The following DCT variants were observed in gnomAD, a reference collection of about 807,000 sequenced individuals.
DCT encodes the protein dopachrome tautomerase.
DCT carries 47 observed loss-of-function variants against 53.0 expected under a neutral mutation model. The observed-to-expected ratio is 0.89, with a 90% CI of 0.70 to 1.13. The LOEUF (loss-of-function observed/expected upper bound fraction) is 1.13. Among genes scored for constraint, DCT ranks in the 50% most tolerant of loss-of-function variants. DCT has a pLI of 0.00. For missense variants in DCT, 669 were observed against 637.4 expected, an observed-to-expected ratio of 1.05 and a Z score of -0.53; for synonymous variants, 244 against 237.0, an observed-to-expected ratio of 1.03 and a Z score of -0.27.
the DCT span, among the ~76,000 whole-genome samples, chr13:94,548,898 G>T: frequency 1.2e-4 from 18 of 151,988 alleles, no homozygotes; most frequent in Admixed American, 1.2e-3. Context: ...CCGCTGCTAG[G>T]CCCCACTGCC....
chr13:94,443,652 G>C lies in DCT; in HGVS notation c.1180-15C>G, dbSNP rs1454861717. ...GAATGAAGAACCTGCAAAACAGTTG[G>C]ACACAGCATTTAACATAAATCAGTC... On this transcript the variant is annotated splice_polypyrimidine_tract_variant and intron_variant, in intron 6 of 7. Transcript: ENST00000377028. 1.2e-6 allele frequency: 2 copies of C among 1,600,540 alleles called. No individual in the cohort carries two copies. The highest frequency in any genetic ancestry group is 3.3e-5 in the Admixed American group (2 of 59,890).
chr13:94,451,724 G>C (rs1486338725), intron 6 of DCT, among the ~76,000 whole-genome samples: 1 of 152,174 alleles, frequency 6.6e-6, no homozygotes. Context: ...GTCAGGTACT[G>C]TTCTAGAGGT....
chr13:94,469,916 A>C (rs898075789), intron 1 of DCT, among the ~76,000 whole-genome samples: 1 of 152,122 alleles, frequency 6.6e-6, no homozygotes, highest in Non-Finnish European at 1.5e-5. Flanking sequence ...CTCTACTAAA[A>C]ATACAAAAAT....
intron 6 of DCT, among the ~76,000 whole-genome samples, chr13:94,455,413 T>G (rs1883350600): frequency 2.6e-5 from 2 of 77,770 alleles, no homozygotes; most frequent in African/African-American, 1.1e-4. Flanking sequence ...GAGAGAGAGA[T>G]TCCTACTATC....
chr13:94,480,549 T>C (rs1489250465), upstream of DCT, among the ~76,000 whole-genome samples: 1 of 152,240 alleles, frequency 6.6e-6, no homozygotes, highest in African/African-American at 2.4e-5. Context: ...TTGTTATGTT[T>C]CAAAGCAAAT....
At chr13:94,440,741 C>CATGATCTCG (rs1271259870) in intron 7 of DCT, among the ~76,000 whole-genome samples, 78 of 130,530 alleles carry the variant, frequency 6.0e-4, no homozygotes, top group African/African-American at 2.3e-3. Flanking sequence ...AGTACAGTGG[C>CATGATCTCG]ATGATCTCGG....
At chr13:94,459,578 G>A (rs12877284) in intron 6 of DCT, among the ~76,000 whole-genome samples, 7,077 of 152,198 alleles carry the variant, frequency 0.046, 231 homozygotes, top group East Asian at 0.13. Context: ...TCCAACAGGG[G>A]ACACCAAGGC....
chr13:94,499,164 C>T, the DCT span, among the ~76,000 whole-genome samples: 1 of 152,296 alleles, frequency 6.6e-6, no homozygotes, highest in African/African-American at 2.4e-5. Flanking sequence ...AGAGCTGTAA[C>T]ACTGGCTGCA....
chr13:94,533,550 C>T, the DCT span, among the ~76,000 whole-genome samples: 1 of 152,080 alleles, frequency 6.6e-6, no homozygotes, highest in Admixed American at 6.5e-5. Flanking sequence ...TTTGGGAAAC[C>T]AACATGGAAG....
At chr13:94,526,791 G>A in the DCT span, among the ~76,000 whole-genome samples, 1 of 152,158 alleles carries the variant, frequency 6.6e-6, no homozygotes, top group African/African-American at 2.4e-5. Context: ...TGCAGCCCAT[G>A]GAGGGGGAGC....
At chr13:94,516,442 C>T in the DCT span, among the ~76,000 whole-genome samples, 53,030 of 151,956 alleles carry the variant, frequency 0.35, 9,684 homozygotes, top group East Asian at 0.61. Context: ...AAAGATTTCA[C>T]GGTTTGTCTC....
chr13:94,471,222 T>G (rs1884626699), intron 1 of DCT, among the ~76,000 whole-genome samples: 1 of 152,222 alleles, frequency 6.6e-6, no homozygotes, highest in African/African-American at 2.4e-5. Context: ...CAGTGGATTT[T>G]CTGATAGTTA....
intron 1 of DCT, among the ~76,000 whole-genome samples, chr13:94,469,456 A>C (rs1884478110): frequency 6.6e-6 from 1 of 152,190 alleles, no homozygotes; most frequent in Non-Finnish European, 1.5e-5. Flanking sequence ...ATTTGGACAC[A>C]GTTTTGGAAG....
At chr13:94,501,611 T>A in the DCT span, among the ~76,000 whole-genome samples, 1 of 151,260 alleles carries the variant, frequency 6.6e-6, no homozygotes, top group African/African-American at 2.4e-5. Flanking sequence ...GTCACGGTAC[T>A]TATGCAGAGA....
the DCT span, among the ~76,000 whole-genome samples, chr13:94,486,940 G>C: frequency 6.6e-6 from 1 of 152,122 alleles, no homozygotes; most frequent in Non-Finnish European, 1.5e-5. Flanking sequence ...AAGTGCAAAG[G>C]TAACAAACAC....
intron 7 of DCT, among the ~76,000 whole-genome samples, chr13:94,441,191 G>A (rs145474709): frequency 4.6e-4 from 70 of 152,182 alleles, no homozygotes; most frequent in Non-Finnish European, 5.7e-4. Context: ...GTTTTGATCT[G>A]TCTCCTCCTG....
At chr13:94,489,361 G>C in the DCT span, among the ~76,000 whole-genome samples, 1 of 152,108 alleles carries the variant, frequency 6.6e-6, no homozygotes, top group Non-Finnish European at 1.5e-5. Context: ...TTTATATGGA[G>C]AGGCAAGAAA....
chr13:94,460,105 C>G lies in DCT; in HGVS notation c.1165G>C (p.Asp389His). ...TTTGAACATACCACAAAAATGGGAT[C>G]ATTGGCGGCTGAATGTGGCAAAGCG... The part of the protein sequence containing the change: ...TNALPHSAAN[D>H]PIFVVLHSFT... Residue 389 changes from aspartate (D) to histidine (H), a missense_variant, in exon 6 of 8, where the codon GAT (aspartate) becomes CAT (histidine). Transcript: ENST00000377028. 6.2e-7 allele frequency: 1 copy of G among 1,613,956 alleles called. No homozygotes were observed. The highest frequency in any genetic ancestry group is 8.5e-7 in the Non-Finnish European group (1 of 1,179,976).
intron 4 of DCT, among the ~76,000 whole-genome samples, chr13:94,464,133 C>A (rs1178966995): frequency 6.6e-6 from 1 of 152,316 alleles, no homozygotes; most frequent in East Asian, 1.9e-4. Context: ...TGATGATGTC[C>A]CTGCTCGTGG....
Sources: gnomAD v4.1 joint callset for allele counts (sites outside exome capture counted in the v4.1 genomes callset) on GRCh38, gnomAD v4.1.1 for gene constraint, MANE v1.5 for transcripts, NCBI Gene and HGNC (gene_info 2026-07-23, HGNC 2026-07-21) for gene names.